PLEKHA5: variants seen among roughly 807,000 people sequenced by gnomAD.
PLEKHA5 encodes the protein pleckstrin homology domain-containing family A member 5.
PLEKHA5 carries 55 observed loss-of-function variants against 181.9 expected under a neutral mutation model. That is an observed-to-expected ratio of 0.30 (90% CI 0.24 to 0.38). PLEKHA5 has a LOEUF of 0.38. Among genes scored for constraint, PLEKHA5 ranks in the 10% least tolerant of loss-of-function variants. PLEKHA5 has a pLI of 1.00. For missense variants in PLEKHA5, 1,432 were observed against 1,549.5 expected, an observed-to-expected ratio of 0.92 and a Z score of 1.27; for synonymous variants, 535 against 529.4, an observed-to-expected ratio of 1.01 and a Z score of -0.15.
intron 3 of PLEKHA5, among the ~76,000 whole-genome samples, chr12:19,227,121 C>G (rs371560965): frequency 1.3e-5 from 2 of 152,184 alleles, no homozygotes; most frequent in South Asian, 2.1e-4. Flanking sequence ...TCTTAATACA[C>G]AGAACTGGCT....
chr12:19,221,006 A>G (rs981127577), intron 3 of PLEKHA5, among the ~76,000 whole-genome samples: 4 of 152,206 alleles, frequency 2.6e-5, no homozygotes, highest in African/African-American at 9.6e-5. Context: ...AACTGGCCAT[A>G]CCAACTGCTG....
chr12:19,154,174 T>C (rs1369864072), intron 3 of PLEKHA5: 1 of 152,208 alleles, frequency 6.6e-6, no homozygotes, highest in Non-Finnish European at 1.5e-5. Flanking sequence ...CTGATTTTGA[T>C]ATATAAACTT....
intron 27 of PLEKHA5, among the ~76,000 whole-genome samples, 196 bp from the exon 28 acceptor site, chr12:19,359,216 G>T (rs577343070): frequency 3.9e-5 from 6 of 151,982 alleles, no homozygotes; most frequent in East Asian, 3.9e-4. Context: ...AAAATGAATG[G>T]TTTTTTTTAA....
chr12:19,264,672 T>C (rs1355943894), intron 7 of PLEKHA5, among the ~76,000 whole-genome samples: 1 of 152,138 alleles, frequency 6.6e-6, no homozygotes, highest in Non-Finnish European at 1.5e-5. Context: ...GAAAAGCTAT[T>C]GAAAAAAGCC....
intron 3 of PLEKHA5, among the ~76,000 whole-genome samples, chr12:19,179,676 A>G (rs934223051): frequency 2.0e-5 from 3 of 152,202 alleles, no homozygotes; most frequent in African/African-American, 7.2e-5. Flanking sequence ...AGAAAAAACT[A>G]AAACAGTGAA....
intron 3 of PLEKHA5, among the ~76,000 whole-genome samples, chr12:19,237,677 T>C (rs1565501657): frequency 6.6e-6 from 1 of 152,036 alleles, no homozygotes; most frequent in Non-Finnish European, 1.5e-5. Flanking sequence ...GATCGTATTT[T>C]ATTTAGCATT....
chr12:19,323,823 A>C (rs1422580954), intron 20 of PLEKHA5, among the ~76,000 whole-genome samples: 1 of 151,890 alleles, frequency 6.6e-6, no homozygotes, highest in Non-Finnish European at 1.5e-5. Flanking sequence ...TTCAAAAAAA[A>C]AAAAAAAAAG....
Position 19,322,687 on chromosome 12 carries a change from C to T in PLEKHA5, c.2448+20C>T, listed in dbSNP as rs778486789. On this transcript the variant is annotated intron_variant, in intron 20 of 31. Coordinates refer to ENST00000429027, the MANE Select transcript of PLEKHA5 (RefSeq NM_001256470.2). ...ACTGCCGTAAGTAGATTTTTTTTTT[C>T]CCCTAATAAAAGTAGCTTAAATATG... The T allele has an allele frequency of 1.7e-5, 27 of 1,561,626 alleles. No individual in the cohort carries two copies. The African/African-American group carries it at 2.9e-4, about 17-fold the overall frequency.
intron 3 of PLEKHA5, among the ~76,000 whole-genome samples, chr12:19,171,630 A>G (rs2151672537): frequency 6.6e-6 from 1 of 152,248 alleles, no homozygotes; most frequent in East Asian, 1.9e-4. Flanking sequence ...GAGTGCTGGA[A>G]TTACAGGCAT....
At chr12:19,190,574 G>A (rs114531707) in intron 3 of PLEKHA5, among the ~76,000 whole-genome samples, 506 of 152,246 alleles carry the variant, frequency 3.3e-3, no homozygotes, top group African/African-American at 0.011. Context: ...GGACATTCTA[G>A]ACTTAAAAAT....
chr12:19,341,368 G>A (rs1026743863), intron 21 of PLEKHA5, among the ~76,000 whole-genome samples: 8 of 152,082 alleles, frequency 5.3e-5, no homozygotes, highest in East Asian at 1.9e-4. Flanking sequence ...ATTGTATACC[G>A]TTTCAGATTG....
At chr12:19,163,770 T>C (rs575745932) in intron 3 of PLEKHA5, among the ~76,000 whole-genome samples, 5 of 152,278 alleles carry the variant, frequency 3.3e-5, no homozygotes, top group Non-Finnish European at 7.4e-5. Context: ...AGATTTCACC[T>C]GAGTCCTCAG....
intron 18 of PLEKHA5, 200 bp downstream of exon 18, chr12:19,320,824 G>C: frequency 3.0e-6 from 1 of 334,738 alleles, no homozygotes; most frequent in Non-Finnish European, 5.5e-6. Flanking sequence ...GCAGTCCAAC[G>C]TTATTAAGCA....
At chr12:19,316,440 A>G (rs2088781468) in intron 16 of PLEKHA5, among the ~76,000 whole-genome samples, 1 of 152,116 alleles carries the variant, frequency 6.6e-6, no homozygotes, top group South Asian at 2.1e-4. Context: ...GGGGGGGGAA[A>G]GTGAAGATGT....
At position 19,131,847 on chromosome 12, in the gene PLEKHA5, G is replaced by C. The variant is rs560686388; in HGVS notation, c.170-546G>C. Among the ~76,000 whole-genome samples, 36 of 152,210 alleles carry C rather than the reference G, an allele frequency of 2.4e-4. 1 individual carries two copies. Among genetic ancestry groups the C allele is most frequent in the Middle Eastern group, 3.4e-3 (1 of 294 alleles). ...TGAATCATCCCCAACTTTACTACTT[G>C]AAACTTCACGTCTCTTAGTCAAATT... is the stretch of plus-strand genomic sequence containing the variant. On this transcript the variant is annotated intron_variant, in intron 2 of 31. Transcript: ENST00000429027.
rs149069049 is a variant in PLEKHA5 at position 19,309,379 on chromosome 12, T to C, written c.2038-5435T>C. ...ATCTTAAAGAAAAAAAAAACTCATCTCTTGCCCTTATTTTGAATTTTCCAC... is the reference window on the plus strand; with the variant it reads ...ATCTTAAAGAAAAAAAAAACTCATCCCTTGCCCTTATTTTGAATTTTCCAC... On this transcript the variant is annotated intron_variant, in intron 15 of 31. Coordinates refer to ENST00000429027, the MANE Select transcript of PLEKHA5 (RefSeq NM_001256470.2). Among the ~76,000 whole-genome samples the C allele has an allele frequency of 1.8e-3, 281 of 152,212 alleles. 2 individuals are homozygous for C. The highest frequency in any genetic ancestry group is 5.7e-3 in the African/African-American group (236 of 41,514).
At chr12:19,369,043 G>T (rs1485479338) in intron 30 of PLEKHA5, among the ~76,000 whole-genome samples, 1 of 151,722 alleles carries the variant, frequency 6.6e-6, no homozygotes, top group Non-Finnish European at 1.5e-5. Context: ...TGTTGTTGTT[G>T]TTGTTGTTTG....
rs1474856603 is a variant in PLEKHA5, at chr12:19,130,241, G to A, written c.169+111G>A. The A allele has an allele frequency of 9.5e-6, 5 of 526,560 alleles. No individual in the cohort carries two copies. Among genetic ancestry groups the A allele is most frequent in the Non-Finnish European group, 1.4e-5 (5 of 350,146 alleles). 32.6% of individuals were successfully genotyped at this position (526,560 alleles called of 1,614,324 possible). A position where few individuals can be genotyped will look rare whatever the true frequency, so the allele number is the denominator to read the frequency against. On this transcript the variant is annotated intron_variant, in intron 2 of 31. Transcript: ENST00000429027. This position sits in a 1 kb window ranked among gnomAD's most constrained non-coding sequence, Gnocchi z 4.5. The stretch of plus-strand genomic sequence containing the variant: ...GCCGCGGGCCCCGGGAGGCGGCGAG[G>A]CGGGGCGGAGGCCGGGCGGGAGCGG...
At chr12:19,201,219 A>G (rs1378963028) in intron 3 of PLEKHA5, 1 of 152,120 alleles carries the variant, frequency 6.6e-6, no homozygotes, top group Non-Finnish European at 1.5e-5. Context: ...ATGAGAATAT[A>G]CTCAAATAGC....
Sources: allele counts gnomAD v4.1 joint callset (sites outside exome capture counted in the v4.1 genomes callset), GRCh38; gene constraint gnomAD v4.1.1; non-coding constraint Gnocchi (gnomAD v3.1); transcripts MANE v1.5; gene names NCBI Gene and HGNC (gene_info 2026-07-23, HGNC 2026-07-21).